Variants in POU3F3 observed in about 807,000 individuals in gnomAD.
The protein encoded by POU3F3 is POU class 3 homeobox 3.
In POU3F3, 1 loss-of-function variant was observed where a neutral mutation model predicts 8.6. The ratio of observed to expected loss-of-function variants is 0.12; its 90% CI spans 0.04 to 0.55. The LOEUF (loss-of-function observed/expected upper bound fraction) is 0.55, where lower values mean the gene tolerates loss of function less well. Ranked by LOEUF, POU3F3 falls within the 20% of genes least tolerant of loss-of-function variation. The pLI is 0.91. For synonymous variants in POU3F3, 418 were observed against 327.4 expected (o/e 1.28, Z -2.99); for missense variants, 577 against 690.7 (o/e 0.84, Z 1.84).
the POU3F3 span, among the ~76,000 whole-genome samples, chr2:104,920,510 T>C: frequency 2.6e-5 from 4 of 152,226 alleles, no homozygotes; most frequent in African/African-American, 9.6e-5. Flanking sequence ...GAATTTTAAA[T>C]TGACCCGACC....
chr2:104,876,994 C>A, the POU3F3 span, among the ~76,000 whole-genome samples: 2 of 152,134 alleles, frequency 1.3e-5, no homozygotes, highest in Non-Finnish European at 2.9e-5. Flanking sequence ...GAAGGGTGAA[C>A]TGCACATCAG....
the POU3F3 span, among the ~76,000 whole-genome samples, chr2:104,922,306 A>G: frequency 9.7e-4 from 148 of 152,108 alleles, no homozygotes; most frequent in East Asian, 0.011. Flanking sequence ...AAAAACAAAA[A>G]ATAAACCAAC....
the POU3F3 span, among the ~76,000 whole-genome samples, chr2:104,916,878 G>A: frequency 4.8e-4 from 73 of 152,328 alleles, no homozygotes; most frequent in African/African-American, 1.7e-3. Flanking sequence ...CCATTTCTGA[G>A]TGTGTCTGAG....
At chr2:104,887,127 C>T in the POU3F3 span, among the ~76,000 whole-genome samples, 12 of 152,156 alleles carry the variant, frequency 7.9e-5, no homozygotes, top group East Asian at 1.9e-4. Context: ...TAAACAGTCA[C>T]GGCACTGGTG....
In POU3F3 at chr2:104,855,707, A is replaced by G; in HGVS notation, c.197A>G (p.Asp66Gly). ...AAVTSGAYRGDPSSVKMVQSD... is the reference protein window; with the variant it reads ...AAVTSGAYRGGPSSVKMVQSD... ...GTGACCTCGGGCGCCTACCGGGGGGACCCGTCCTCTGTCAAGATGGTCCAG... is the reference window on the plus strand; with the variant it reads ...GTGACCTCGGGCGCCTACCGGGGGGGCCCGTCCTCTGTCAAGATGGTCCAG... Residue 66 changes from aspartate to glycine, a missense_variant, in exon 1 of 1, where the codon GAC (aspartate) becomes GGC (glycine). Around this residue, in one of 7 missense-constraint regions of POU3F3, gnomAD observed 484 missense variants for 422.6 expected, o/e 1.15. Coordinates refer to ENST00000361360, the MANE Select transcript of POU3F3 (RefSeq NM_006236.3). 1.6e-6 allele frequency: 2 copies of G among 1,233,202 alleles called. No homozygotes were observed. The highest frequency in any genetic ancestry group is 2.1e-6 in the Non-Finnish European group (2 of 965,162). The allele number at this position is 1,233,202 out of a possible 1,614,324, so 76.4% of individuals were successfully genotyped here.
chr2:104,903,175 A>G, the POU3F3 span, among the ~76,000 whole-genome samples: 1 of 152,230 alleles, frequency 6.6e-6, no homozygotes, highest in South Asian at 2.1e-4. Flanking sequence ...CATTTCTATT[A>G]CACAATTACT....
At chr2:104,901,457 C>G in the POU3F3 span, among the ~76,000 whole-genome samples, 3 of 152,296 alleles carry the variant, frequency 2.0e-5, no homozygotes, top group South Asian at 4.1e-4. Context: ...TGCTACATCT[C>G]TAGGCGCACT....
the POU3F3 span, among the ~76,000 whole-genome samples, chr2:104,922,314 A>C: frequency 6.6e-6 from 1 of 151,752 alleles, no homozygotes; most frequent in African/African-American, 2.4e-5. Flanking sequence ...AAAATAAACC[A>C]ACAGAAGCCA....
the POU3F3 span, among the ~76,000 whole-genome samples, chr2:104,913,943 A>T: frequency 6.6e-6 from 1 of 152,224 alleles, no homozygotes; most frequent in African/African-American, 2.4e-5. Flanking sequence ...ATTCACAGTG[A>T]ATGTCCAGTT....
the POU3F3 span, among the ~76,000 whole-genome samples, chr2:104,879,339 TG>T: frequency 6.6e-5 from 10 of 152,102 alleles, no homozygotes; most frequent in Admixed American, 6.5e-4. Context: ...GTACGTGAGC[TG>T]GTGCTGGGTA....
chr2:104,875,592 G>A, the POU3F3 span, among the ~76,000 whole-genome samples: 1 of 152,038 alleles, frequency 6.6e-6, no homozygotes, highest in African/African-American at 2.4e-5. Flanking sequence ...TTTTTAAAGA[G>A]CAAATGTACA....
the POU3F3 span, chr2:104,866,842 A>T: frequency 6.6e-6 from 1 of 152,248 alleles, no homozygotes; most frequent in Admixed American, 6.5e-5. Context: ...CTAGAGCTGC[A>T]CGTTGGCTAA....
Position 104,857,105 on chromosome 2 carries a change from C to T in POU3F3, c.*92C>T, listed in dbSNP as rs1676583010. On this transcript the variant is annotated 3_prime_UTR_variant, in exon 1 of 1. Transcript: ENST00000361360. ...CCGCCCCTGCCGCCGCCGCCGCCGC[C>T]GCCGCCGCCGCTGCCGCCGCCGCGC... The T allele has an allele frequency of 2.0e-6, 2 of 979,080 alleles. No individual in the cohort carries two copies. The highest frequency in any genetic ancestry group is 2.4e-6 in the Non-Finnish European group (2 of 826,400). 60.6% of individuals were successfully genotyped at this position (979,080 alleles called of 1,614,324 possible). A position where few individuals can be genotyped will look rare whatever the true frequency, so the allele number is the denominator to read the frequency against.
rs1676512488 is a variant in POU3F3, at chr2:104,854,747, C to A, written c.-764C>A. ...AGAGGGGGAGAGCAGGAGCCAGCCTCCCCTCTCCGCACTCGCGAGCAGCCA... is the reference window on the plus strand; with the variant it reads ...AGAGGGGGAGAGCAGGAGCCAGCCTACCCTCTCCGCACTCGCGAGCAGCCA... On this transcript the variant is annotated 5_prime_UTR_variant, in exon 1 of 1. Transcript: ENST00000361360. The surrounding 1 kb of genome is among the most constrained non-coding windows in gnomAD (Gnocchi z 4.5). Among the ~76,000 whole-genome samples, 1 of 152,116 alleles carries A rather than the reference C, an allele frequency of 6.6e-6. No individual in the cohort carries two copies. Among genetic ancestry groups the A allele is most frequent in the Non-Finnish European group, 1.5e-5 (1 of 68,010 alleles).
At chr2:104,860,500 T>C (rs1309826361), downstream of POU3F3, among the ~76,000 whole-genome samples, 2 of 152,196 alleles carry the variant, frequency 1.3e-5, no homozygotes, top group Non-Finnish European at 2.9e-5. Context: ...TTGTGCTTCG[T>C]AAAGTGCCCA....
chr2:104,879,953 C>G, the POU3F3 span, among the ~76,000 whole-genome samples: 1 of 152,132 alleles, frequency 6.6e-6, no homozygotes, highest in Non-Finnish European at 1.5e-5. Context: ...CGATAGAATA[C>G]AAAATCATCA....
the POU3F3 span, among the ~76,000 whole-genome samples, chr2:104,906,264 C>A: frequency 6.6e-6 from 1 of 152,132 alleles, no homozygotes; most frequent in Non-Finnish European, 1.5e-5. Flanking sequence ...TTGACTAGTT[C>A]GCAATCTGCA....
chr2:104,886,017 G>A, the POU3F3 span, among the ~76,000 whole-genome samples: 1 of 152,160 alleles, frequency 6.6e-6, no homozygotes, highest in Middle Eastern at 3.4e-3. Context: ...AGCTGGTCTC[G>A]AACTCCTGAC....
the POU3F3 span, among the ~76,000 whole-genome samples, chr2:104,873,221 G>A: frequency 6.6e-6 from 1 of 152,174 alleles, no homozygotes; most frequent in Admixed American, 6.5e-5. Context: ...AGGGGCTGTC[G>A]TGTGCGTCCC....
Sources: gnomAD v4.1 joint callset for allele counts (sites outside exome capture counted in the v4.1 genomes callset) on GRCh38, gnomAD v4.1.1 for gene constraint, gnomAD v4.1.1 regional missense constraint, Gnocchi (gnomAD v3.1) non-coding constraint, MANE v1.5 for transcripts, NCBI Gene and HGNC (gene_info 2026-07-23, HGNC 2026-07-21) for gene names.